Variants in RAMP1 observed in about 807,000 individuals in gnomAD.
RAMP1 encodes receptor activity-modifying protein 1.
Under a neutral mutation model 8.2 loss-of-function variants are expected in RAMP1, and 7 were observed. The ratio of observed to expected loss-of-function variants is 0.85; its 90% CI spans 0.49 to 1.60. The LOEUF is 1.60. RAMP1 is among the 40% of genes most tolerant of loss of function. RAMP1 has a pLI of 0.00. For missense variants in RAMP1, 192 were observed against 202.4 expected, an observed-to-expected ratio of 0.95 and a Z score of 0.31; for synonymous variants, 92 against 84.7, an observed-to-expected ratio of 1.09 and a Z score of -0.47.
intron 1 of RAMP1, among the ~76,000 whole-genome samples, chr2:237,860,507 T>A (rs1489725953): frequency 6.6e-6 from 1 of 152,238 alleles, no homozygotes; most frequent in African/African-American, 2.4e-5. Flanking sequence ...GAAACGGTGC[T>A]GTTCACTTCC....
intron 2 of RAMP1, among the ~76,000 whole-genome samples, chr2:237,882,044 GAGTTTATTCC>G (rs1470197682): frequency 2.0e-5 from 3 of 152,134 alleles, no homozygotes; most frequent in Non-Finnish European, 4.4e-5. Context: ...TGGCCCATCG[GAGTTTATTCC>G]AGTTTATTCT....
At chr2:237,861,035 T>C (rs1470566086) in intron 1 of RAMP1, among the ~76,000 whole-genome samples, 2 of 152,226 alleles carry the variant, frequency 1.3e-5, no homozygotes, top group African/African-American at 2.4e-5. Flanking sequence ...TTCACTGTTT[T>C]CATTTACTAA....
Position 237,862,034 on chromosome 2 carries a change from AC to A in RAMP1, c.52+2308del, listed in dbSNP as rs2062138250. On this transcript the variant is annotated intron_variant, in intron 1 of 2. Transcript: ENST00000254661. This position sits in a 1 kb window ranked among gnomAD's most constrained non-coding sequence, Gnocchi z 4.0. ...CCCCTGGTTTTTCGAGTCCATCTTC[AC>A]TCAGGGAATGCTGGCTGGTGCTGTC... Among the ~76,000 whole-genome samples, 1 of 152,056 alleles carries A rather than the reference AC, an allele frequency of 6.6e-6. No individual in the cohort carries two copies. Among genetic ancestry groups the A allele is most frequent in the Non-Finnish European group, 1.5e-5 (1 of 68,020 alleles).
intron 2 of RAMP1, among the ~76,000 whole-genome samples, chr2:237,906,402 G>C (rs1459520557): frequency 8.5e-5 from 13 of 152,164 alleles, no homozygotes; most frequent in Non-Finnish European, 1.5e-5. Flanking sequence ...CGTACGATAG[G>C]GGCGGGGGTA....
chr2:237,875,490 G>C (rs575081918), intron 1 of RAMP1, among the ~76,000 whole-genome samples: 1 of 152,056 alleles, frequency 6.6e-6, no homozygotes, highest in Admixed American at 6.5e-5. Context: ...GGGGTCGAGG[G>C]TGGGTGACCC....
At chr2:237,910,556 CACACACACAGAATAACAGTT>C (rs1182037008) in intron 2 of RAMP1, among the ~76,000 whole-genome samples, 1 of 151,724 alleles carries the variant, frequency 6.6e-6, no homozygotes, top group Non-Finnish European at 1.5e-5. Context: ...GAATAACAGT[CACACACACAGAATAACAGTT>C]ACACAGTCAC....
chr2:237,860,397 C>T (rs1324543259), intron 1 of RAMP1, among the ~76,000 whole-genome samples: 1 of 152,070 alleles, frequency 6.6e-6, no homozygotes, highest in Non-Finnish European at 1.5e-5. Context: ...GGACGGGTCC[C>T]TTGGTGAAGT....
At position 237,862,947 on chromosome 2, in the gene RAMP1, T is replaced by C. The variant is rs963405593; in HGVS notation, c.52+3220T>C. On this transcript the variant is annotated intron_variant, in intron 1 of 2. Transcript: ENST00000254661. The surrounding 1 kb of genome is among the most constrained non-coding windows in gnomAD (Gnocchi z 4.0). ...CATGGGGGAGTACCTGTCCATGACA[T>C]AGAGCACTCCTGAAGCCTTTTGAGC... Among the ~76,000 whole-genome samples, 10 of 152,168 alleles carry C rather than the reference T, an allele frequency of 6.6e-5. No individual in the cohort carries two copies. The highest frequency in any genetic ancestry group is 3.9e-4 in the Admixed American group (6 of 15,286).
At chr2:237,900,261 G>A (rs999798878) in intron 2 of RAMP1, among the ~76,000 whole-genome samples, 3 of 152,154 alleles carry the variant, frequency 2.0e-5, no homozygotes, top group East Asian at 1.9e-4. Flanking sequence ...CTGGGTTCAC[G>A]GCATTCTCGT....
At chr2:237,897,229 G>A (rs2062550911) in intron 2 of RAMP1, among the ~76,000 whole-genome samples, 1 of 152,232 alleles carries the variant, frequency 6.6e-6, no homozygotes, top group Non-Finnish European at 1.5e-5. Flanking sequence ...AGGAAAGAGG[G>A]AGACTGAAAG....
chr2:237,864,888 C>CTT (rs35584374), intron 1 of RAMP1, among the ~76,000 whole-genome samples: 34,621 of 152,092 alleles, frequency 0.23, 4,589 homozygotes, highest in African/African-American at 0.36. Context: ...AAAGGCCCTG[C>CTT]TTTGGAAGTT....
intron 2 of RAMP1, among the ~76,000 whole-genome samples, chr2:237,896,785 A>G (rs1283055202): frequency 2.0e-5 from 3 of 152,160 alleles, no homozygotes; most frequent in East Asian, 1.9e-4. Flanking sequence ...AGCCAGGACT[A>G]TAGGCACACA....
intron 1 of RAMP1, among the ~76,000 whole-genome samples, chr2:237,876,269 G>A (rs1452368337): frequency 6.6e-6 from 1 of 152,184 alleles, no homozygotes; most frequent in African/African-American, 2.4e-5. Flanking sequence ...TGGGCTCCCT[G>A]GGCCCGAGGC....
chr2:237,876,245 C>T (rs1179651205), intron 1 of RAMP1, among the ~76,000 whole-genome samples: 1 of 152,200 alleles, frequency 6.6e-6, no homozygotes, highest in African/African-American at 2.4e-5. Context: ...CAAGGGCAGC[C>T]ACCTCTCCTT....
chr2:237,897,115 G>A (rs186594098), intron 2 of RAMP1, among the ~76,000 whole-genome samples: 2 of 152,342 alleles, frequency 1.3e-5, no homozygotes, highest in African/African-American at 4.8e-5. Flanking sequence ...ATCATGAGGT[G>A]TGCATCCGTC....
intron 2 of RAMP1, among the ~76,000 whole-genome samples, chr2:237,883,471 C>T (rs954278619): frequency 6.6e-6 from 1 of 152,128 alleles, no homozygotes; most frequent in African/African-American, 2.4e-5. Flanking sequence ...AGGAGGCCCC[C>T]CGTGATCCCT....
In RAMP1 at chr2:237,903,422, G is replaced by A. The variant is rs935852153; in HGVS notation, c.192-8106G>A. The stretch of plus-strand genomic sequence containing the variant: ...GAGTTTGAGATTATTGATACATATT[G>A]CCAAATTGTGTTTCAGAAAAATTGT... On this transcript the variant is annotated intron_variant, in intron 2 of 2. Coordinates refer to ENST00000254661, the MANE Select transcript of RAMP1 (RefSeq NM_005855.4). 3.9e-5 allele frequency among the ~76,000 whole-genome samples: 6 copies of A among 152,298 alleles called. No individual in the cohort carries two copies. In the East Asian group the frequency reaches 1.2e-3, roughly 29 times the overall value.
rs2062177432 is a variant in RAMP1, at chr2:237,865,346, G to A, written c.52+5619G>A. On this transcript the variant is annotated intron_variant, in intron 1 of 2. Transcript: ENST00000254661. The surrounding 1 kb of genome is among the most constrained non-coding windows in gnomAD (Gnocchi z 4.2). The stretch of plus-strand genomic sequence containing the variant: ...AAGAGAGGAGGGGAGGGGAGGGCAG[G>A]GGAGTAGAGAGGAGAGTGCAGGGGA... Among the ~76,000 whole-genome samples, 1 of 145,358 alleles carries A rather than the reference G, an allele frequency of 6.9e-6. No homozygotes were observed. The highest frequency in any genetic ancestry group is 1.5e-5 in the Non-Finnish European group (1 of 65,686).
intron 1 of RAMP1, among the ~76,000 whole-genome samples, chr2:237,868,574 C>A (rs1309226297): frequency 7.8e-6 from 1 of 127,764 alleles, no homozygotes; most frequent in Non-Finnish European, 1.6e-5. Flanking sequence ...TCCCTCCCCC[C>A]ACCAAAAAAA....
Sources: allele counts gnomAD v4.1 joint callset (sites outside exome capture counted in the v4.1 genomes callset), GRCh38; gene constraint gnomAD v4.1.1; non-coding constraint Gnocchi (gnomAD v3.1); transcripts MANE v1.5; gene names NCBI Gene and HGNC (gene_info 2026-07-23, HGNC 2026-07-21).